RANBP17: variants seen among roughly 807,000 people sequenced by gnomAD.
RANBP17 encodes RAN binding protein 17.
A neutral mutation model predicts 141.2 loss-of-function variants in RANBP17; 158 were observed. That is an observed-to-expected ratio of 1.12 (90% CI 0.98 to 1.28). The LOEUF is 1.28. Ranked by LOEUF, RANBP17 falls within the 50% of genes most tolerant of loss-of-function variation. The pLI is 0.00. For missense variants in RANBP17, 1,438 were observed against 1,290.7 expected, an observed-to-expected ratio of 1.11 and a Z score of -1.75; for synonymous variants, 430 against 450.0, an observed-to-expected ratio of 0.96 and a Z score of 0.56.
chr5:171,262,252 C>A (rs1433663314), intron 24 of RANBP17, among the ~76,000 whole-genome samples: 3 of 152,124 alleles, frequency 2.0e-5, no homozygotes, highest in Non-Finnish European at 4.4e-5. Context: ...CATTTACTTT[C>A]GTGACTGGGA....
chr5:171,132,771 A>G (rs1757008711), intron 14 of RANBP17, among the ~76,000 whole-genome samples: 1 of 152,112 alleles, frequency 6.6e-6, no homozygotes, highest in Non-Finnish European at 1.5e-5. Flanking sequence ...CTCTGTACTG[A>G]CAGTTTTTCA....
At chr5:171,211,631 T>A (rs1037760186) in intron 20 of RANBP17, among the ~76,000 whole-genome samples, 18 of 148,140 alleles carry the variant, frequency 1.2e-4, no homozygotes, top group African/African-American at 4.5e-4. Flanking sequence ...GGGCAGGGTT[T>A]TTTTTTTTTT....
At chr5:171,271,852 A>G (rs1313098497) in intron 25 of RANBP17, among the ~76,000 whole-genome samples, 1 of 152,236 alleles carries the variant, frequency 6.6e-6, no homozygotes, top group Admixed American at 6.5e-5. Flanking sequence ...ACAGCAATCA[A>G]TGCATATATT....
At position 170,938,682 on chromosome 5, in the gene RANBP17, A is replaced by T. The variant is rs767002478; in HGVS notation, c.1468+14132A>T. On this transcript the variant is annotated intron_variant, in intron 12 of 27. Coordinates refer to ENST00000523189, the MANE Select transcript of RANBP17 (RefSeq NM_022897.5). ...TGAAAACTTTGTGATCTAAAATTTCATGGATGTGTTAAACAGTAAATTGGA... is the reference window on the plus strand; with the variant it reads ...TGAAAACTTTGTGATCTAAAATTTCTTGGATGTGTTAAACAGTAAATTGGA... 5.6e-4 allele frequency among the ~76,000 whole-genome samples: 85 copies of T among 152,338 alleles called. 1 individual carries two copies. The highest frequency in any genetic ancestry group is 3.4e-3 in the Middle Eastern group (1 of 294).
intron 5 of RANBP17, chr5:170,903,687 C>T: frequency 3.3e-6 from 1 of 301,576 alleles, no homozygotes; most frequent in South Asian, 4.2e-5. Context: ...GTGTGTTGCC[C>T]ATTGACAGTC....
intron 16 of RANBP17, among the ~76,000 whole-genome samples, chr5:171,180,064 C>T (rs1357978684): frequency 6.6e-6 from 1 of 152,156 alleles, no homozygotes; most frequent in Non-Finnish European, 1.5e-5. Context: ...AACCACATGG[C>T]TAGAGACAGG....
chr5:171,247,628 A>G (rs1264721262), intron 24 of RANBP17, among the ~76,000 whole-genome samples: 1 of 152,178 alleles, frequency 6.6e-6, no homozygotes, highest in African/African-American at 2.4e-5. Flanking sequence ...TTAATCATCC[A>G]TCCATTCTCT....
At chr5:171,064,156 T>G (rs913397722) in intron 14 of RANBP17, among the ~76,000 whole-genome samples, 8 of 152,228 alleles carry the variant, frequency 5.3e-5, no homozygotes, top group Non-Finnish European at 1.2e-4. Flanking sequence ...TCACACACGG[T>G]GCGCTGCACC....
rs138630848 is a variant in RANBP17, at chr5:171,020,065, A to G, written c.1710+51688A>G. 2.6e-3 allele frequency among the ~76,000 whole-genome samples: 403 copies of G among 152,228 alleles called. 1 individual carries two copies. The highest frequency in any genetic ancestry group is 8.8e-3 in the African/African-American group (367 of 41,550). The stretch of plus-strand genomic sequence containing the variant: ...TTCAGGAGCAGGTTGTTCAGTTTCC[A>G]TGTAATTGTGTGGTTTTGAGGGAAT... On this transcript the variant is annotated intron_variant, in intron 14 of 27. Coordinates refer to ENST00000523189, the MANE Select transcript of RANBP17 (RefSeq NM_022897.5).
chr5:170,907,373 A>G (rs952145619), intron 5 of RANBP17, among the ~76,000 whole-genome samples: 1 of 151,974 alleles, frequency 6.6e-6, no homozygotes, highest in Admixed American at 6.6e-5. Context: ...GTCCTTTAAT[A>G]TAACTCTGGA....
chr5:171,082,350 A>G (rs898656695), intron 14 of RANBP17, among the ~76,000 whole-genome samples: 2 of 152,152 alleles, frequency 1.3e-5, no homozygotes, highest in African/African-American at 2.4e-5. Flanking sequence ...ATGAGGATTA[A>G]TTCTATATTT....
In RANBP17 at chr5:171,110,362, C is replaced by A. The variant is rs879375226; in HGVS notation, c.1711-59768C>A. Reference sequence around the variant, plus strand: ...TCACATAATGCTGTGAGTGCTGTAACCTTGTCCGCTCTCTTCTGAGCATAG... The same window carrying A: ...TCACATAATGCTGTGAGTGCTGTAAACTTGTCCGCTCTCTTCTGAGCATAG... On this transcript the variant is annotated intron_variant, in intron 14 of 27. Coordinates refer to ENST00000523189, the MANE Select transcript of RANBP17 (RefSeq NM_022897.5). Among the ~76,000 whole-genome samples, 7 of 152,116 alleles carry A rather than the reference C, an allele frequency of 4.6e-5. No homozygotes were observed. The East Asian group carries it at 1.2e-3, about 25-fold the overall frequency.
At chr5:171,295,609 C>G (rs543697861) in intron 26 of RANBP17, among the ~76,000 whole-genome samples, 28 of 152,188 alleles carry the variant, frequency 1.8e-4, no homozygotes, top group African/African-American at 6.0e-4. Flanking sequence ...TGCATTCAGT[C>G]CCCCACAGAG....
At chr5:171,050,774 A>C (rs575884339) in intron 14 of RANBP17, among the ~76,000 whole-genome samples, 1 of 152,160 alleles carries the variant, frequency 6.6e-6, no homozygotes, top group South Asian at 2.1e-4. Context: ...AGATAGTCCA[A>C]GTTTTCCCCT....
chr5:170,995,223 A>G (rs1289626821), intron 14 of RANBP17, among the ~76,000 whole-genome samples: 2 of 152,180 alleles, frequency 1.3e-5, no homozygotes, highest in African/African-American at 2.4e-5. Flanking sequence ...CTTTTCTTTA[A>G]GATCTTGACA....
chr5:170,997,397 C>A (rs960390447), intron 14 of RANBP17, among the ~76,000 whole-genome samples: 1 of 151,758 alleles, frequency 6.6e-6, no homozygotes, highest in African/African-American at 2.4e-5. Flanking sequence ...TGAGGTAGGA[C>A]CCAGAAATCT....
rs11951089 is a variant in RANBP17 at position 171,123,905 on chromosome 5, A to G, written c.1711-46225A>G. On this transcript the variant is annotated intron_variant, in intron 14 of 27. Coordinates refer to ENST00000523189, the MANE Select transcript of RANBP17 (RefSeq NM_022897.5). ...TATTTCCCTGTGGAAGGTAGTCTAT[A>G]TAATTAAAAGAAGCAACTTACCAAG... 8.1e-3 allele frequency among the ~76,000 whole-genome samples: 1,241 copies of G among 152,348 alleles called. 17 individuals are homozygous for G. The highest frequency in any genetic ancestry group is 0.029 in the African/African-American group (1,187 of 41,590).
At chr5:171,120,402 A>G (rs1019947476) in intron 14 of RANBP17, among the ~76,000 whole-genome samples, 3 of 152,136 alleles carry the variant, frequency 2.0e-5, no homozygotes, top group African/African-American at 4.8e-5. Flanking sequence ...ATTCTATTCT[A>G]CTGTGGCTAA....
At chr5:171,109,503 G>A (rs1048491183) in intron 14 of RANBP17, among the ~76,000 whole-genome samples, 3 of 152,116 alleles carry the variant, frequency 2.0e-5, no homozygotes, top group Non-Finnish European at 2.9e-5. Flanking sequence ...ATCTGTGTAG[G>A]ATTGGTTCCA....
Sources: allele counts gnomAD v4.1 joint callset (sites outside exome capture counted in the v4.1 genomes callset), GRCh38; gene constraint gnomAD v4.1.1; transcripts MANE v1.5; gene names NCBI Gene and HGNC (gene_info 2026-07-23, HGNC 2026-07-21).